The following SEMA5A variants were observed in gnomAD, a reference collection of about 807,000 sequenced individuals.
SEMA5A encodes the protein semaphorin-5A.
Under a neutral mutation model 135.5 loss-of-function variants are expected in SEMA5A, and 55 were observed. That is an observed-to-expected ratio of 0.41 (90% CI 0.33 to 0.51). The LOEUF is 0.51. Ranked by LOEUF, SEMA5A falls within the 20% of genes least tolerant of loss-of-function variation. The probability of loss-of-function intolerance (pLI) is 0.37; values close to 1 mark genes in which losing one functional copy is unlikely to be tolerated. For synonymous variants in SEMA5A, 580 were observed against 546.5 expected (o/e 1.06, Z -0.85); for missense variants, 1,290 against 1,419.9 (o/e 0.91, Z 1.47).
chr5:9,131,983 T>C (rs879584644), intron 13 of SEMA5A, among the ~76,000 whole-genome samples: 1 of 152,236 alleles, frequency 6.6e-6, no homozygotes, highest in African/African-American at 2.4e-5. Context: ...TTATGATTTA[T>C]GCAGGACATA....
At chr5:9,292,659 A>C (rs10065428) in intron 5 of SEMA5A, among the ~76,000 whole-genome samples, 5,752 of 152,298 alleles carry the variant, frequency 0.038, 361 homozygotes, top group African/African-American at 0.13. Flanking sequence ...TGCAAAAAAA[A>C]CCATGTTTGT....
intron 1 of SEMA5A, among the ~76,000 whole-genome samples, chr5:9,489,862 T>C (rs1734916736): frequency 6.6e-6 from 1 of 152,178 alleles, no homozygotes; most frequent in South Asian, 2.1e-4. Flanking sequence ...AAATTTCTAA[T>C]CTTTGGCTAT....
At chr5:9,324,947 C>A (rs1187262190) in intron 4 of SEMA5A, among the ~76,000 whole-genome samples, 1 of 152,192 alleles carries the variant, frequency 6.6e-6, no homozygotes, top group Non-Finnish European at 1.5e-5. Flanking sequence ...ATGCTTTGAG[C>A]AACCCAAAGC....
chr5:9,455,472 A>G (rs1232146344), intron 1 of SEMA5A, among the ~76,000 whole-genome samples: 8 of 151,756 alleles, frequency 5.3e-5, no homozygotes, highest in East Asian at 1.9e-4. Flanking sequence ...TAGCAAGGAC[A>G]GTCTCAATCT....
chr5:9,345,961 C>T (rs1199335922), intron 3 of SEMA5A, among the ~76,000 whole-genome samples: 1 of 152,108 alleles, frequency 6.6e-6, no homozygotes, highest in East Asian at 1.9e-4. Flanking sequence ...TCTAGGTGGA[C>T]ATGGGAGGGT....
chr5:9,145,501 C>T (rs144241536), intron 12 of SEMA5A, among the ~76,000 whole-genome samples: 9 of 152,082 alleles, frequency 5.9e-5, no homozygotes, highest in African/African-American at 9.7e-5. Flanking sequence ...TCCAGGTGCT[C>T]GTATTTAGAA....
chr5:9,509,062 A>C (rs1734798520), intron 1 of SEMA5A, among the ~76,000 whole-genome samples: 1 of 152,064 alleles, frequency 6.6e-6, no homozygotes, highest in South Asian at 2.1e-4. Flanking sequence ...ATTCTGGCCA[A>C]GCAGAGGGTA....
intron 11 of SEMA5A, among the ~76,000 whole-genome samples, chr5:9,171,839 C>T (rs562605158): frequency 3.9e-5 from 6 of 152,140 alleles, no homozygotes; most frequent in East Asian, 3.9e-4. Context: ...GGAGATGGGA[C>T]GAGAGGGAGC....
At chr5:9,394,402 C>T (rs268491) in intron 2 of SEMA5A, among the ~76,000 whole-genome samples, 1 of 151,976 alleles carries the variant, frequency 6.6e-6, no homozygotes, top group Non-Finnish European at 1.5e-5. Flanking sequence ...GCCCTCAGCA[C>T]GCCCTGCCGT....
chr5:9,510,846 T>C (rs1307879411), intron 1 of SEMA5A, among the ~76,000 whole-genome samples: 1 of 152,250 alleles, frequency 6.6e-6, no homozygotes, highest in Non-Finnish European at 1.5e-5. Flanking sequence ...TTTCAGATAA[T>C]TCAAGGAACT....
intron 16 of SEMA5A, among the ~76,000 whole-genome samples, chr5:9,096,294 A>G (rs1457907743): frequency 6.6e-6 from 1 of 152,158 alleles, no homozygotes; most frequent in African/African-American, 2.4e-5. Flanking sequence ...CAAGGTGTTC[A>G]TTCTACATAT....
intron 15 of SEMA5A, among the ~76,000 whole-genome samples, chr5:9,115,801 C>T (rs560652329): frequency 1.3e-5 from 2 of 152,292 alleles, no homozygotes; most frequent in South Asian, 4.1e-4. Context: ...TATTCATACC[C>T]TGTGTCATCA....
intron 16 of SEMA5A, among the ~76,000 whole-genome samples, chr5:9,068,244 A>C (rs117467296): frequency 6.6e-6 from 1 of 152,318 alleles, no homozygotes; most frequent in East Asian, 1.9e-4. Context: ...TAAAAAGTTT[A>C]ACTGGAAGGT....
At chr5:9,209,542 A>G (rs1464625514) in intron 8 of SEMA5A, among the ~76,000 whole-genome samples, 3 of 152,236 alleles carry the variant, frequency 2.0e-5, no homozygotes, top group African/African-American at 7.2e-5. Context: ...ATATGTTAAA[A>G]GACTGAAAGA....
In SEMA5A at chr5:9,390,343, T is replaced by C. The variant is rs182289310; in HGVS notation, c.-77-10320A>G. 3.2e-3 allele frequency among the ~76,000 whole-genome samples: 493 copies of C among 152,326 alleles called. 3 individuals are homozygous for C. The highest frequency in any genetic ancestry group is 0.011 in the African/African-American group (473 of 41,570). On this transcript the variant is annotated intron_variant, in intron 2 of 22. Coordinates refer to ENST00000382496, the MANE Select transcript of SEMA5A (RefSeq NM_003966.3). ...ATGTATGAACCCTGAGGGGGTCAGA[T>C]AAGTTATTCCAGCACAGATAATTCA...
rs1286011919 is a variant in SEMA5A, at chr5:9,037,296, A to G, written c.*5601T>C. 6.6e-6 allele frequency: 1 copy of G among 152,180 alleles called. No homozygotes were observed. The highest frequency in any genetic ancestry group is 1.5e-5 in the Non-Finnish European group (1 of 68,034). 9.4% of individuals were successfully genotyped at this position (152,180 alleles called of 1,614,324 possible). On this transcript the variant is annotated 3_prime_UTR_variant, in exon 23 of 23. Transcript: ENST00000382496. Reference sequence around the variant, plus strand: ...AGGGAGTAAGCTTGATTGCCTTTCTATGGCAGATATGAGCTAATATGATCC... The same window carrying G: ...AGGGAGTAAGCTTGATTGCCTTTCTGTGGCAGATATGAGCTAATATGATCC...
intron 1 of SEMA5A, among the ~76,000 whole-genome samples, chr5:9,487,426 C>A (rs1390716709): frequency 6.6e-6 from 1 of 152,084 alleles, no homozygotes; most frequent in Non-Finnish European, 1.5e-5. Context: ...AGCAGGACAC[C>A]AACCATGGGA....
chr5:9,455,189 CTCTG>C (rs1468759005), intron 1 of SEMA5A, among the ~76,000 whole-genome samples: 1 of 152,114 alleles, frequency 6.6e-6, no homozygotes, highest in Non-Finnish European at 1.5e-5. Flanking sequence ...CTAACGGCAC[CTCTG>C]TCTGAGTTTC....
intron 5 of SEMA5A, among the ~76,000 whole-genome samples, chr5:9,308,705 T>C (rs1297286590): frequency 6.6e-6 from 1 of 152,086 alleles, no homozygotes; most frequent in Non-Finnish European, 1.5e-5. Flanking sequence ...GCAATTGTCC[T>C]CTGGAGCCCT....
Sources: allele counts gnomAD v4.1 joint callset (sites outside exome capture counted in the v4.1 genomes callset), GRCh38; gene constraint gnomAD v4.1.1; transcripts MANE v1.5; gene names NCBI Gene and HGNC (gene_info 2026-07-23, HGNC 2026-07-21).